AGFG1: variants seen among roughly 807,000 people sequenced by gnomAD.
The protein encoded by AGFG1 is ArfGAP with FG repeats 1.
Under a neutral mutation model 60.6 loss-of-function variants are expected in AGFG1, and 10 were observed. The ratio of observed to expected loss-of-function variants is 0.16; its 90% CI spans 0.10 to 0.28. AGFG1 has a LOEUF of 0.28. Among genes scored for constraint, AGFG1 ranks in the 10% least tolerant of loss-of-function variants. AGFG1 has a pLI of 1.00. For synonymous variants in AGFG1, 247 were observed against 242.9 expected, an observed-to-expected ratio of 1.02 and a Z score of -0.16; for missense variants, 537 against 676.5, an observed-to-expected ratio of 0.79 and a Z score of 2.29.
At chr2:227,539,274 C>A (rs987673616) in intron 10 of AGFG1, among the ~76,000 whole-genome samples, 2 of 151,978 alleles carry the variant, frequency 1.3e-5, no homozygotes. Flanking sequence ...AAGACCCTGT[C>A]TCTACTAAAA....
rs1436841964 is a variant in AGFG1, at chr2:227,472,343, G to A, written c.-79G>A. On this transcript the variant is annotated 5_prime_UTR_variant, in exon 1 of 13. Coordinates refer to ENST00000310078, the MANE Select transcript of AGFG1 (RefSeq NM_004504.5). Reference sequence around the variant, plus strand: ...GGAGGGCGGCGGCCGCGGCCAGGGCGGCCCGTGGGACCGCGGGCCCCCGGC... The same window carrying A: ...GGAGGGCGGCGGCCGCGGCCAGGGCAGCCCGTGGGACCGCGGGCCCCCGGC... The A allele has an allele frequency of 5.4e-6, 5 of 928,684 alleles. No homozygotes were observed. The highest frequency in any genetic ancestry group is 6.4e-6 in the Non-Finnish European group (5 of 776,154). 57.5% of individuals were successfully genotyped at this position (928,684 alleles called of 1,614,324 possible). A position where few individuals can be genotyped will look rare whatever the true frequency, so the allele number is the denominator to read the frequency against.
chr2:227,554,409 A>G, intron 12 of AGFG1, 27 bp from the exon 13 acceptor site: 1 of 1,591,966 alleles, frequency 6.3e-7, no homozygotes, highest in South Asian at 1.1e-5. Context: ...TTGTCTCTTT[A>G]TTTATTTGTC....
rs900676033 is a variant in AGFG1, at chr2:227,559,746, T to C, written c.*5251T>C. 6.6e-6 allele frequency: 1 copy of C among 152,066 alleles called. No individual in the cohort carries two copies. Among genetic ancestry groups the C allele is most frequent in the African/African-American group, 2.4e-5 (1 of 41,410 alleles). 9.4% of individuals were successfully genotyped at this position (152,066 alleles called of 1,614,324 possible). On this transcript the variant is annotated 3_prime_UTR_variant, in exon 13 of 13. Coordinates refer to ENST00000310078, the MANE Select transcript of AGFG1 (RefSeq NM_004504.5). The stretch of plus-strand genomic sequence containing the variant: ...CTCAGCATCTTCCCTCATTCTTGAG[T>C]GGAGAGACAGAGGAAGCAAACGCCA...
rs1559184373 is a variant in AGFG1, at chr2:227,520,028, A to G, written c.342A>G (p.Lys114=). 2 of 1,581,178 alleles carry G rather than the reference A, an allele frequency of 1.3e-6. No homozygotes were observed. The highest frequency in any genetic ancestry group is 8.5e-7 in the Non-Finnish European group (1 of 1,170,404). The change falls in exon 3 of 13, where the codon AAA becomes AAG. Residue 114 remains lysine, a synonymous_variant. Coordinates refer to ENST00000310078, the MANE Select transcript of AGFG1 (RefSeq NM_004504.5). Reference sequence around the variant, plus strand: ...ACTTCAGGGATCCACAAAAAGTGAAAGAGTTTCTACAAGAAAAGTATGAAA... The same window carrying G: ...ACTTCAGGGATCCACAAAAAGTGAAGGAGTTTCTACAAGAAAAGTATGAAA... ...IPDFRDPQKV[K]EFLQEKYEKK... is the part of the protein sequence containing the mutation.
intron 1 of AGFG1, among the ~76,000 whole-genome samples, chr2:227,478,295 A>G (rs1240367124): frequency 6.6e-6 from 1 of 150,614 alleles, no homozygotes; most frequent in African/African-American, 2.4e-5. Context: ...TATTATATAT[A>G]CATATATAAT....
At chr2:227,515,060 C>T (rs766215661) in intron 2 of AGFG1, among the ~76,000 whole-genome samples, 4 of 152,078 alleles carry the variant, frequency 2.6e-5, no homozygotes, top group Non-Finnish European at 5.9e-5. Context: ...GTAGCTGGGA[C>T]TACACATGCA....
intron 10 of AGFG1, among the ~76,000 whole-genome samples, chr2:227,544,059 C>T (rs574026365): frequency 6.6e-6 from 1 of 151,708 alleles, no homozygotes; most frequent in Non-Finnish European, 1.5e-5. Flanking sequence ...TATTTTGAGC[C>T]TATGTATGTC....
chr2:227,531,167 T>TTTCCCCACA lies in AGFG1; in HGVS notation c.772_780dup (p.Phe258_Thr260dup), dbSNP rs772801888. 4.3e-6 allele frequency: 7 copies of TTTCCCCACA among 1,612,464 alleles called. No homozygotes were observed. In the Admixed American group the frequency reaches 1.2e-4, roughly 27 times the overall value. ...CTAGTGGTTCGAGTAATTTTGGAGG[T>TTTCCCCACA]TTCCCCACAGCAAGTCACTCTCCTT... On this transcript the variant is annotated inframe_insertion, in exon 6 of 13. Transcript: ENST00000310078.
chr2:227,553,110 C>T (rs933286905), intron 11 of AGFG1, among the ~76,000 whole-genome samples: 1 of 151,738 alleles, frequency 6.6e-6, no homozygotes, highest in African/African-American at 2.4e-5. Flanking sequence ...ATTGTGTTGT[C>T]TGCACAGCCT....
At chr2:227,484,377 A>G (rs958394965) in intron 1 of AGFG1, among the ~76,000 whole-genome samples, 2 of 151,878 alleles carry the variant, frequency 1.3e-5, no homozygotes, top group African/African-American at 2.4e-5. Context: ...GTAGAGATGG[A>G]GTTTTAACCA....
intron 10 of AGFG1, among the ~76,000 whole-genome samples, chr2:227,538,928 A>G (rs1407200935): frequency 6.6e-6 from 1 of 152,214 alleles, no homozygotes; most frequent in East Asian, 1.9e-4. Context: ...GTTTATTTCA[A>G]GGTAATACAT....
At chr2:227,545,657 C>G (rs1158121212) in intron 10 of AGFG1, among the ~76,000 whole-genome samples, 2 of 152,106 alleles carry the variant, frequency 1.3e-5, no homozygotes, top group Non-Finnish European at 2.9e-5. Flanking sequence ...GTGTGGGTGT[C>G]CTTTTTTTTG....
chr2:227,538,057 A>G (rs1027422905), intron 10 of AGFG1, among the ~76,000 whole-genome samples: 2 of 152,238 alleles, frequency 1.3e-5, no homozygotes, highest in Non-Finnish European at 2.9e-5. Flanking sequence ...GTTTAATTCA[A>G]GTGTACCTAA....
At position 227,559,323 on chromosome 2, in the gene AGFG1, A is replaced by C. The variant is rs1437895259; in HGVS notation, c.*4828A>C. 6.6e-6 allele frequency: 1 copy of C among 152,196 alleles called. No individual in the cohort carries two copies. The highest frequency in any genetic ancestry group is 1.9e-4 in the East Asian group (1 of 5,200). 9.4% of individuals were successfully genotyped at this position (152,196 alleles called of 1,614,324 possible). A position where few individuals can be genotyped will look rare whatever the true frequency, so the allele number is the denominator to read the frequency against. On this transcript the variant is annotated 3_prime_UTR_variant, in exon 13 of 13. Transcript: ENST00000310078. Reference sequence around the variant, plus strand: ...AGGCCTTGGAGTTGGCAAATCCTGAATATATAGTGAAGGTAGGAAATAGCT... The same window carrying C: ...AGGCCTTGGAGTTGGCAAATCCTGACTATATAGTGAAGGTAGGAAATAGCT...
intron 2 of AGFG1, among the ~76,000 whole-genome samples, chr2:227,516,892 A>G (rs976185185): frequency 2.0e-5 from 3 of 152,086 alleles, no homozygotes; most frequent in African/African-American, 7.2e-5. Context: ...TTGTTTTCTC[A>G]TTTGGGAAGT....
intron 10 of AGFG1, among the ~76,000 whole-genome samples, chr2:227,549,011 CTT>C (rs5839222): frequency 6.7e-6 from 1 of 148,460 alleles, no homozygotes; most frequent in Non-Finnish European, 1.5e-5. Flanking sequence ...CTCAGTTAAC[CTT>C]TTTTTTTTTG....
chr2:227,537,044 A>G (rs773942528), intron 10 of AGFG1, 51 bp downstream of exon 10: 57 of 1,492,306 alleles, frequency 3.8e-5, no homozygotes, highest in Non-Finnish European at 4.9e-5. Flanking sequence ...ACATTTATCA[A>G]CAAAGACACC....
In AGFG1 at chr2:227,556,578, A is replaced by G. The variant is rs950231846; in HGVS notation, c.*2083A>G. ...CGGGTCCCAGTTGATTCATGTGTAC[A>G]AAGTTATGCTACCTAATTACAGACC... On this transcript the variant is annotated 3_prime_UTR_variant, in exon 13 of 13. Coordinates refer to ENST00000310078, the MANE Select transcript of AGFG1 (RefSeq NM_004504.5). The G allele has an allele frequency of 6.6e-6, 1 of 152,634 alleles. No individual in the cohort carries two copies. Among genetic ancestry groups the G allele is most frequent in the South Asian group, 2.1e-4 (1 of 4,822 alleles). 9.5% of individuals were successfully genotyped at this position (152,634 alleles called of 1,614,324 possible). A position where few individuals can be genotyped will look rare whatever the true frequency, so the allele number is the denominator to read the frequency against.
At chr2:227,485,569 G>T (rs1690609447) in intron 1 of AGFG1, among the ~76,000 whole-genome samples, 1 of 151,970 alleles carries the variant, frequency 6.6e-6, no homozygotes, top group African/African-American at 2.4e-5. Flanking sequence ...TATTTATCCA[G>T]ATTTTGATGA....
Sources: allele counts gnomAD v4.1 joint callset (sites outside exome capture counted in the v4.1 genomes callset), GRCh38; gene constraint gnomAD v4.1.1; transcripts MANE v1.5; gene names NCBI Gene and HGNC (gene_info 2026-07-23, HGNC 2026-07-21).